The following NEB variants were observed in gnomAD, a reference collection of about 807,000 sequenced individuals.
The protein encoded by NEB is nebulin.
A neutral mutation model predicts 952.2 loss-of-function variants in NEB; 512 were observed. That is an observed-to-expected ratio of 0.54 (90% CI 0.50 to 0.58). NEB has a LOEUF of 0.58. Among genes scored for constraint, NEB ranks in the 20% least tolerant of loss-of-function variants. NEB has a pLI of 0.00. For synonymous variants in NEB, 2,900 were observed against 3,149.8 expected (o/e 0.92, Z 2.66); for missense variants, 8,428 against 9,231.1 (o/e 0.91, Z 3.56).
Position 151,665,387 on chromosome 2 carries a change from G to A in NEB, c.5184C>T (p.Ala1728=), listed in dbSNP as rs756600687. The change falls in exon 42 of 182, where the codon GCC becomes GCT. Residue 1728 remains alanine (A), a synonymous_variant. Transcript: ENST00000397345. ...TAAGTGCCTGTTCCATTGTGTCCAT[G>A]GCGTAAGTGAACTTCAGCTTCTCGG... ...QHPEKLKFTY[A]MDTMEQALNK... The A allele has an allele frequency of 2.5e-6, 4 of 1,613,544 alleles. No homozygotes were observed. The Admixed American group carries it at 5.0e-5, about 20-fold the overall frequency.
At chr2:151,557,110 T>C (rs551823879) in intron 124 of NEB, among the ~76,000 whole-genome samples, 23 of 151,926 alleles carry the variant, frequency 1.5e-4, no homozygotes, top group African/African-American at 5.3e-4. Context: ...ACAAAATAGA[T>C]AGACTGCTAG....
chr2:151,559,701 A>G (rs1169892048), intron 124 of NEB, among the ~76,000 whole-genome samples: 2 of 152,186 alleles, frequency 1.3e-5, no homozygotes, highest in Non-Finnish European at 2.9e-5. Flanking sequence ...CAGAAAACCA[A>G]ACACTGCATG....
In NEB at chr2:151,541,355, T is replaced by C; in HGVS notation, c.20682+92A>G. The stretch of plus-strand genomic sequence containing the variant: ...TGAGGTTGCAGCCAGGACAACCAAG[T>C]GTGTGAGTCTGCCACTGGCCAGGTG... On this transcript the variant is annotated intron_variant, in intron 136 of 181. Transcript: ENST00000397345. The C allele has an allele frequency of 3.5e-6, 3 of 858,656 alleles. No individual in the cohort carries two copies. The South Asian group carries it at 5.3e-5, about 15-fold the overall frequency. The allele number at this position is 858,656 out of a possible 1,614,324, so 53.2% of individuals were successfully genotyped here.
At chr2:151,612,116 A>G in intron 78 of NEB, 70 bp downstream of exon 78, 1 of 1,498,916 alleles carries the variant, frequency 6.7e-7, no homozygotes, top group Non-Finnish European at 9.2e-7. Context: ...ATCCTTAGGG[A>G]ATTTCCTACT....
chr2:151,679,083 T>A (rs1176072705), intron 32 of NEB, among the ~76,000 whole-genome samples: 1 of 151,862 alleles, frequency 6.6e-6, no homozygotes, highest in Non-Finnish European at 1.5e-5. Flanking sequence ...GAGCCAGAGG[T>A]AAGCAGAGAA....
intron 37 of NEB, among the ~76,000 whole-genome samples, chr2:151,671,951 T>C (rs1287401791): frequency 1.3e-5 from 2 of 151,524 alleles, no homozygotes; most frequent in African/African-American, 2.4e-5. Flanking sequence ...TACAGAGATT[T>C]ACATGGATGA....
rs1189385193 is a variant in NEB, at chr2:151,620,345, GTGTATATATATATATATA to G, written c.10560+556_10560+573del. On this transcript the variant is annotated intron_variant, in intron 72 of 181. Transcript: ENST00000397345. ...TTTTATTATATATATATGTATGTGTGTGTATATATATATATATATATATATATATATATATATATATAT... is the reference window on the plus strand; with the variant it reads ...TTTTATTATATATATATGTATGTGTGTATATATATATATATATATATATAT... Among the ~76,000 whole-genome samples the G allele has an allele frequency of 2.7e-3, 241 of 87,896 alleles. 5 individuals carry two copies. Among genetic ancestry groups the G allele is most frequent in the African/African-American group, 2.8e-3 (49 of 17,752 alleles). 57.7% of individuals were successfully genotyped at this position (87,896 alleles called of 152,430 possible).
Position 151,666,144 on chromosome 2 carries a change from C to T in NEB, c.4977G>A (p.Leu1659=), listed in dbSNP as rs2099214610. The T allele has an allele frequency of 1.9e-6, 3 of 1,613,892 alleles. No individual in the cohort carries two copies. The highest frequency in any genetic ancestry group is 2.5e-6 in the Non-Finnish European group (3 of 1,179,842). Residue 1659 remains leucine, a synonymous_variant, in exon 41 of 182, where the codon CTG becomes CTA. Transcript: ENST00000397345. Reference sequence around the variant, plus strand: ...AGTGCTCCACATTCAAGGCATCGGGCAGGAGAGTGTAGTGGTGGTATGACT... The same window carrying T: ...AGTGCTCCACATTCAAGGCATCGGGTAGGAGAGTGTAGTGGTGGTATGACT... ...YRQSYHHYTL[L]PDALNVEHSR...
chr2:151,672,576 C>T lies in NEB; in HGVS notation c.4092G>A (p.Leu1364=), dbSNP rs768820251. The T allele has an allele frequency of 3.7e-6, 6 of 1,613,892 alleles. No individual in the cohort carries two copies. The highest frequency in any genetic ancestry group is 5.1e-6 in the Non-Finnish European group (6 of 1,179,898). The change falls in exon 37 of 182, where the codon CTG becomes CTA. Residue 1364 remains leucine (L), a synonymous_variant. Transcript: ENST00000397345. ...TCTTCTTGTATTCACGATCAGACTG[C>T]AGCTTTGCCACATTCATATAGTGGA... is the stretch of plus-strand genomic sequence containing the variant. The part of the protein sequence containing the change: ...KLVHYMNVAK[L]QSDREYKKNY...
intron 171 of NEB, 119 bp downstream of exon 171, chr2:151,497,506 TA>T (rs2061021076): frequency 1.3e-6 from 2 of 1,493,712 alleles, no homozygotes. Flanking sequence ...ATAAATTTGC[TA>T]AAGAAATTCA....
intron 13 of NEB, among the ~76,000 whole-genome samples, chr2:151,701,473 C>T (rs1240293270): frequency 4.7e-5 from 7 of 149,176 alleles, no homozygotes; most frequent in African/African-American, 1.7e-4. Context: ...TGATAGAATT[C>T]GGCTGTGAAT....
In NEB at chr2:151,538,268, A is replaced by G. The variant is rs140124389; in HGVS notation, c.20893-24T>C. ...AGCTAGAAAGAGAAAAAACACATGA[A>G]TTACAAAAAAACTACCAAGTTAAAT... On this transcript the variant is annotated intron_variant, in intron 138 of 181. Coordinates refer to ENST00000397345, the MANE Select transcript of NEB (RefSeq NM_001164508.2). The G allele has an allele frequency of 3.2e-4, 497 of 1,529,868 alleles. 2 individuals are homozygous for G. In the African/African-American group the frequency reaches 6.1e-3, roughly 19 times the overall value. The allele number at this position is 1,529,868 out of a possible 1,614,324, so 94.8% of individuals were successfully genotyped here. A position where few individuals can be genotyped will look rare whatever the true frequency, so the allele number is the denominator to read the frequency against.
At chr2:151,697,122 A>G in intron 16 of NEB, 26 bp downstream of exon 16, 1 of 1,552,266 alleles carries the variant, frequency 6.4e-7, no homozygotes, top group Non-Finnish European at 8.8e-7. Context: ...AGGCAGTCAC[A>G]TTCAAAGTTC....
At position 151,643,153 on chromosome 2, in the gene NEB, A is replaced by T; in HGVS notation, c.8157T>A (p.Asn2719Lys). ...VLAKNNAITMNHRLYTEAWDK... is the reference protein window; with the variant it reads ...VLAKNNAITMKHRLYTEAWDK... ...CTCAAACAAACATAGGACTTACATG[A>T]TTCATGGTAATAGCATTGTTTTTTG... Residue 2719 changes from asparagine to lysine, a missense_variant, in exon 58 of 182, where the codon AAT (asparagine) becomes AAA (lysine). By Grantham distance (94) the Asn-to-Lys change is moderately conservative. Transcript: ENST00000397345. 1 of 1,610,786 alleles carries T rather than the reference A, an allele frequency of 6.2e-7. No individual in the cohort carries two copies. The highest frequency in any genetic ancestry group is 8.5e-7 in the Non-Finnish European group (1 of 1,177,412).
intron 29 of NEB, among the ~76,000 whole-genome samples, chr2:151,681,740 A>G (rs1362964301): frequency 6.6e-6 from 1 of 152,178 alleles, no homozygotes; most frequent in Non-Finnish European, 1.5e-5. Flanking sequence ...CAACTGTCAC[A>G]GGGGAGGGAC....
chr2:151,503,774 G>C (rs77695696), intron 165 of NEB, among the ~76,000 whole-genome samples: 5 of 152,272 alleles, frequency 3.3e-5, no homozygotes, highest in African/African-American at 1.2e-4. Context: ...TAGTAGGCCT[G>C]CAGTAGACTT....
At chr2:151,685,486 T>C (rs2099488802) in intron 27 of NEB, among the ~76,000 whole-genome samples, 1 of 152,192 alleles carries the variant, frequency 6.6e-6, no homozygotes, top group Non-Finnish European at 1.5e-5. Context: ...TGACAGGAGA[T>C]AACCCCACTG....
intron 85 of NEB, among the ~76,000 whole-genome samples, chr2:151,604,112 CA>C (rs2097587962): frequency 1.7e-5 from 2 of 121,120 alleles, no homozygotes; most frequent in Admixed American, 7.4e-5. Context: ...GTAATAACAT[CA>C]GTTGGATCTT....
chr2:151,541,501 A>G lies in NEB; in HGVS notation c.20628T>C (p.Val6876=). ...GKKQKSIFTS[V]PDTPDLLRAK... Reference sequence around the variant, plus strand: ...CTCTTAAAAGATCAGGAGTATCAGGAACTGAAGTAAAGATTGACTTCTGCT... The same window carrying G: ...CTCTTAAAAGATCAGGAGTATCAGGGACTGAAGTAAAGATTGACTTCTGCT... Residue 6876 remains valine, a synonymous_variant, in exon 136 of 182, where the codon GTT becomes GTC. Transcript: ENST00000397345. The G allele has an allele frequency of 6.2e-7, 1 of 1,613,624 alleles. No homozygotes were observed. The highest frequency in any genetic ancestry group is 8.5e-7 in the Non-Finnish European group (1 of 1,179,642).
Sources: allele counts gnomAD v4.1 joint callset (sites outside exome capture counted in the v4.1 genomes callset), GRCh38; gene constraint gnomAD v4.1.1; transcripts MANE v1.5; gene names NCBI Gene and HGNC (gene_info 2026-07-23, HGNC 2026-07-21).